Variants in HYDIN observed in about 807,000 individuals in gnomAD.
HYDIN encodes axonemal central pair apparatus protein HYDIN.
HYDIN carries 132 observed loss-of-function variants against 403.9 expected under a neutral mutation model. The ratio of observed to expected loss-of-function variants is 0.33; its 90% CI spans 0.28 to 0.38. The LOEUF (loss-of-function observed/expected upper bound fraction) is 0.38. HYDIN is among the 10% of genes least tolerant of loss of function. HYDIN has a pLI of 1.00. For synonymous variants in HYDIN, 1,202 were observed against 1,891.7 expected (o/e 0.64, Z 9.46); for missense variants, 2,827 against 5,009.5 (o/e 0.56, Z 13.15).
rs1278556055 is a variant in HYDIN, at chr16:70,806,672, G to A, written c.*908C>T. On this transcript the variant is annotated 3_prime_UTR_variant, in exon 86 of 86. Transcript: ENST00000393567. ...CTCTTGTAGGAGGGCTGTGGGGGAT[G>A]AGTGTGGGGAGCAGGTAGAGGCAGG... Among the ~76,000 whole-genome samples, 1 of 152,206 alleles carries A rather than the reference G, an allele frequency of 6.6e-6. No homozygotes were observed. Among genetic ancestry groups the A allele is most frequent in the Non-Finnish European group, 1.5e-5 (1 of 68,036 alleles).
chr16:70,858,893 C>T (rs1267705922), intron 71 of HYDIN, among the ~76,000 whole-genome samples: 2 of 150,228 alleles, frequency 1.3e-5, no homozygotes, highest in East Asian at 2.0e-4. Flanking sequence ...TGACATTATG[C>T]AGAGGTCAAA....
rs1479960014 is a variant in HYDIN, at chr16:70,955,544, C to T, written c.6147G>A (p.Lys2049=). The T allele has an allele frequency of 7.0e-7, 1 of 1,431,856 alleles. No homozygotes were observed. Among genetic ancestry groups the T allele is most frequent in the Admixed American group, 1.8e-5 (1 of 54,062 alleles). 88.7% of individuals were successfully genotyped at this position (1,431,856 alleles called of 1,614,324 possible). A position where few individuals can be genotyped will look rare whatever the true frequency, so the allele number is the denominator to read the frequency against. ...TGGCCACGCTAACGGCATTGGCTGA[C>T]TTTCCTATTAAAAAGACCAGGGGGT... The part of the protein sequence containing the change: ...IIIHGTPLSG[K]SANAVSVAKY... Residue 2049 remains lysine (K), a synonymous_variant, in exon 40 of 86, where the codon AAG becomes AAA. Coordinates refer to ENST00000393567, the MANE Select transcript of HYDIN (RefSeq NM_001270974.2).
In HYDIN at chr16:71,096,465, CCTCT is replaced by C. The variant is rs375810930; in HGVS notation, c.1328-2534_1328-2531del. ...AATATTGTTTCTTCTCCACTTTTCACCTCTCTGTCTTTTGTGTGTGTGTGTGTGT... is the reference window on the plus strand; with the variant it reads ...AATATTGTTTCTTCTCCACTTTTCACCTGTCTTTTGTGTGTGTGTGTGTGT... On this transcript the variant is annotated intron_variant, in intron 10 of 85. Transcript: ENST00000393567. 1.5e-3 allele frequency among the ~76,000 whole-genome samples: 222 copies of C among 152,286 alleles called. 1 individual carries two copies. The highest frequency in any genetic ancestry group is 4.5e-3 in the African/African-American group (185 of 41,540).
chr16:71,060,609 A>G lies in HYDIN; in HGVS notation c.2424T>C (p.His808=). The G allele has an allele frequency of 1.6e-6, 1 of 641,876 alleles. No individual in the cohort carries two copies. The highest frequency in any genetic ancestry group is 2.7e-6 in the Non-Finnish European group (1 of 364,156). 39.8% of individuals were successfully genotyped at this position (641,876 alleles called of 1,614,324 possible). The change falls in exon 18 of 86, where the codon CAT becomes CAC. Residue 808 remains histidine, a synonymous_variant. Transcript: ENST00000393567. The part of the protein sequence containing the change: ...SAGEGPVIYV[H]PNQVDFGNIY... Reference sequence around the variant, plus strand: ...TATTCCCGAAGTCCACTTGATTGGGATGGACGTAGATAACTGGGCCTTCTC... The same window carrying G: ...TATTCCCGAAGTCCACTTGATTGGGGTGGACGTAGATAACTGGGCCTTCTC...
At chr16:71,204,754 C>T (rs1052505898) in intron 1 of HYDIN, among the ~76,000 whole-genome samples, 2 of 152,144 alleles carry the variant, frequency 1.3e-5, no homozygotes, top group Non-Finnish European at 2.9e-5. Context: ...GTGCTGCTTT[C>T]ACAGGGTTTG....
chr16:70,837,622 G>A (rs2037520864), intron 77 of HYDIN, 68 bp downstream of exon 77: 7 of 1,578,156 alleles, frequency 4.4e-6, no homozygotes, highest in African/African-American at 4.0e-5. Context: ...GGGTTCTGGG[G>A]GGCAAAGAAG....
At position 71,129,842 on chromosome 16, in the gene HYDIN, G is replaced by T. The variant is rs1224449562; in HGVS notation, c.1044-19C>A. 6.3e-7 allele frequency: 1 copy of T among 1,579,926 alleles called. No homozygotes were observed. Among genetic ancestry groups the T allele is most frequent in the African/African-American group, 1.4e-5 (1 of 73,716 alleles). On this transcript the variant is annotated intron_variant, in intron 8 of 85. Coordinates refer to ENST00000393567, the MANE Select transcript of HYDIN (RefSeq NM_001270974.2). ...ACAGGCCCTAAAGAAAACAGGCAAT[G>T]TGAGATTCATGTGGGTACTCCCATG... is the stretch of plus-strand genomic sequence containing the variant.
At chr16:70,892,232 T>C (rs2041510576) in intron 56 of HYDIN, 129 bp downstream of exon 56, 2 of 924,246 alleles carry the variant, frequency 2.2e-6, no homozygotes, top group Admixed American at 6.1e-5. Flanking sequence ...GTGTATCCTA[T>C]CTGGTTGCCA....
intron 6 of HYDIN, chr16:71,153,018 C>T: frequency 2.5e-6 from 1 of 406,596 alleles, no homozygotes; most frequent in Non-Finnish European, 4.6e-6. Flanking sequence ...CAACAATATT[C>T]TTGTTTGTGT....
chr16:70,919,144 A>G (rs573311440), intron 46 of HYDIN, among the ~76,000 whole-genome samples: 51 of 151,510 alleles, frequency 3.4e-4, no homozygotes, highest in African/African-American at 1.1e-3. Context: ...ACAAATACGC[A>G]GCTGAGTTAA....
chr16:71,183,940 T>C (rs551975589), intron 3 of HYDIN, among the ~76,000 whole-genome samples: 3 of 152,278 alleles, frequency 2.0e-5, no homozygotes, highest in South Asian at 2.1e-4. Context: ...TAGCCTGTTA[T>C]GTGTTATGCT....
At chr16:70,946,966 A>G (rs2077885307) in intron 41 of HYDIN, among the ~76,000 whole-genome samples, 1 of 152,142 alleles carries the variant, frequency 6.6e-6, no homozygotes, top group South Asian at 2.1e-4. Flanking sequence ...TTCTAGATAT[A>G]CAATCATGTC....
rs552317340 is a variant in HYDIN, at chr16:71,229,050, A to G, written c.-24+1512T>C. Among the ~76,000 whole-genome samples, 33 of 151,622 alleles carry G rather than the reference A, an allele frequency of 2.2e-4. No homozygotes were observed. The South Asian group carries it at 6.1e-3, about 28-fold the overall frequency. On this transcript the variant is annotated intron_variant, in intron 1 of 85. Coordinates refer to ENST00000393567, the MANE Select transcript of HYDIN (RefSeq NM_001270974.2). ...AAACCATCATTCTCAGCAAACTATC[A>G]CAAGGACAAAAAACCAAACACCGCA...
intron 9 of HYDIN, among the ~76,000 whole-genome samples, chr16:71,120,788 T>C (rs1353708539): frequency 1.3e-5 from 2 of 152,002 alleles, no homozygotes; most frequent in Non-Finnish European, 2.9e-5. Context: ...CAGAGACTTA[T>C]ATACATATGT....
chr16:70,808,835 G>T (rs998001220), intron 85 of HYDIN, among the ~76,000 whole-genome samples: 31 of 152,304 alleles, frequency 2.0e-4, no homozygotes, highest in African/African-American at 7.5e-4. Context: ...TAGTAGAGGT[G>T]ATATATACAA....
intron 3 of HYDIN, among the ~76,000 whole-genome samples, chr16:71,182,266 G>A (rs1029225244): frequency 6.6e-6 from 1 of 152,042 alleles, no homozygotes; most frequent in Non-Finnish European, 1.5e-5. Context: ...TCACTGGATG[G>A]TTTTAAACAT....
chr16:71,169,129 T>C (rs949841207), intron 5 of HYDIN, among the ~76,000 whole-genome samples: 1 of 152,108 alleles, frequency 6.6e-6, no homozygotes, highest in Non-Finnish European at 1.5e-5. Context: ...TGGATGAACA[T>C]ACAAAGAAAA....
At chr16:70,863,034 C>G in intron 68 of HYDIN, 51 bp downstream of exon 68, 1 of 1,546,686 alleles carries the variant, frequency 6.5e-7, no homozygotes, top group South Asian at 1.1e-5. Flanking sequence ...CAAGGCTCTT[C>G]TAATTGGTGA....
intron 73 of HYDIN, among the ~76,000 whole-genome samples, chr16:70,854,200 A>C (rs559378485): frequency 6.6e-6 from 1 of 152,034 alleles, no homozygotes; most frequent in African/African-American, 2.4e-5. Flanking sequence ...TATTTCTTAC[A>C]ACTACATGTG....
Sources: allele counts gnomAD v4.1 joint callset (sites outside exome capture counted in the v4.1 genomes callset), GRCh38; gene constraint gnomAD v4.1.1; transcripts MANE v1.5; gene names NCBI Gene and HGNC (gene_info 2026-07-23, HGNC 2026-07-21).